AFDN: variants seen among roughly 807,000 people sequenced by gnomAD.
The protein encoded by AFDN is afadin, adherens junction formation factor, also known as afadin.
Under a neutral mutation model 216.6 loss-of-function variants are expected in AFDN, and 68 were observed. The ratio of observed to expected loss-of-function variants is 0.31; its 90% CI spans 0.26 to 0.38. AFDN has a LOEUF of 0.38. AFDN is among the 10% of genes least tolerant of loss of function. AFDN has a pLI of 1.00. For missense variants in AFDN, 2,136 were observed against 2,342.0 expected, an observed-to-expected ratio of 0.91 and a Z score of 1.82; for synonymous variants, 868 against 853.7, an observed-to-expected ratio of 1.02 and a Z score of -0.29.
intron 23 of AFDN, among the ~76,000 whole-genome samples, chr6:167,942,496 A>G (rs1475968106): frequency 6.6e-6 from 1 of 152,212 alleles, no homozygotes; most frequent in Non-Finnish European, 1.5e-5. Flanking sequence ...TAGGTTTAGT[A>G]TAGTCGTGGT....
At chr6:167,896,857 G>T in intron 9 of AFDN, 21 bp from the exon 10 acceptor site, 1 of 1,511,808 alleles carries the variant, frequency 6.6e-7, no homozygotes, top group Non-Finnish European at 9.2e-7. Context: ...AAATAGAGCT[G>T]TCTTCCTTCT....
chr6:167,892,702 C>T (rs973601764), intron 8 of AFDN, among the ~76,000 whole-genome samples: 5 of 152,280 alleles, frequency 3.3e-5, no homozygotes, highest in Admixed American at 2.0e-4. Flanking sequence ...GGAGGTAGAG[C>T]ACCAAAACAG....
intron 23 of AFDN, 50 bp downstream of exon 23, chr6:167,925,141 G>A: frequency 7.5e-7 from 1 of 1,325,618 alleles, no homozygotes; most frequent in Non-Finnish European, 1.1e-6. Flanking sequence ...TTTCGGCATT[G>A]AATCAGTGGT....
At chr6:167,894,891 C>T (rs1043766402) in intron 9 of AFDN, among the ~76,000 whole-genome samples, 1 of 152,206 alleles carries the variant, frequency 6.6e-6, no homozygotes, top group Admixed American at 6.5e-5. Context: ...CATCTCTAAA[C>T]ACATTTTTCA....
intron 16 of AFDN, chr6:167,913,882 AT>A: frequency 2.1e-6 from 1 of 466,960 alleles, no homozygotes; most frequent in East Asian, 3.8e-5. Context: ...TTGGTGTTAT[AT>A]TATTTGATAT....
chr6:167,858,451 T>G (rs1783146362), intron 1 of AFDN, among the ~76,000 whole-genome samples: 2 of 152,196 alleles, frequency 1.3e-5, no homozygotes. Context: ...TCGTGTGCTT[T>G]CTCTCTGTTT....
At chr6:167,884,858 C>G (rs1006033288) in intron 6 of AFDN, among the ~76,000 whole-genome samples, 21 of 152,188 alleles carry the variant, frequency 1.4e-4, no homozygotes, top group African/African-American at 4.8e-4. Context: ...TTTGCCTTCT[C>G]CTCTCTAGCT....
At chr6:167,963,770 G>C (rs1464646153) in intron 31 of AFDN, 2 of 1,062,200 alleles carry the variant, frequency 1.9e-6, no homozygotes, top group Non-Finnish European at 2.3e-6. Flanking sequence ...TCTTTCACTT[G>C]TGTAATGGTA....
Position 167,969,910 on chromosome 6 carries a change from T to A in AFDN, c.5471T>A (p.Leu1824Gln). 1 of 1,610,976 alleles carries A rather than the reference T, an allele frequency of 6.2e-7. No individual in the cohort carries two copies. Among genetic ancestry groups the A allele is most frequent in the Non-Finnish European group, 8.5e-7 (1 of 1,179,178 alleles). The change falls in exon 34 of 34, where the codon CTG (leucine) becomes CAG (glutamine). Residue 1824 changes from leucine to glutamine, a missense_variant. Leu to Gln is a moderately radical substitution (Grantham distance 113). This residue lies in a region of AFDN where 981 missense variants were observed against 966.0 expected (regional missense o/e 1.02). Coordinates refer to ENST00000683244, the MANE Select transcript of AFDN (RefSeq NM_001386888.1). ...KVKASRKLTELENELNTK is the reference protein window; with the variant it reads ...KVKASRKLTEQENELNTK ...AAAGCTTCTCGTAAATTAACAGAAC[T>A]GGAGAATGAACTGAACACAAAGTGA...
At chr6:167,857,672 T>C (rs1263778694) in intron 1 of AFDN, among the ~76,000 whole-genome samples, 2 of 152,142 alleles carry the variant, frequency 1.3e-5, no homozygotes, top group Non-Finnish European at 2.9e-5. Context: ...CTCATGAGTT[T>C]ATTATACTGA....
In AFDN at chr6:167,948,543, C is replaced by A. The variant is rs189667082; in HGVS notation, c.3831+65C>A. On this transcript the variant is annotated intron_variant, in intron 29 of 33. Coordinates refer to ENST00000683244, the MANE Select transcript of AFDN (RefSeq NM_001386888.1). Reference sequence around the variant, plus strand: ...AAGGAGGACACACTGAGTTCTGAGACACAATTAATATTTTCTATAGAACAG... The same window carrying A: ...AAGGAGGACACACTGAGTTCTGAGAAACAATTAATATTTTCTATAGAACAG... 1.9e-3 allele frequency: 2,675 copies of A among 1,444,578 alleles called. 5 individuals carry two copies. Among genetic ancestry groups the A allele is most frequent in the Non-Finnish European group, 2.4e-3 (2,497 of 1,051,450 alleles). The allele number at this position is 1,444,578 out of a possible 1,614,324, so 89.5% of individuals were successfully genotyped here. A position where few individuals can be genotyped will look rare whatever the true frequency, so the allele number is the denominator to read the frequency against.
rs145888267 is a variant in AFDN, at chr6:167,855,732, A to G, written c.106-8819A>G. 5.0e-3 allele frequency among the ~76,000 whole-genome samples: 762 copies of G among 152,220 alleles called. 12 individuals are homozygous for G. Among genetic ancestry groups the G allele is most frequent in the African/African-American group, 0.018 (734 of 41,532 alleles). On this transcript the variant is annotated intron_variant, in intron 1 of 33. Coordinates refer to ENST00000683244, the MANE Select transcript of AFDN (RefSeq NM_001386888.1). ...TCCAGTGGTCACTTAGCTACACCAA[A>G]TAGTGACCTGAATGTTTAGACAAGG...
chr6:167,884,449 T>C (rs1422294170), intron 6 of AFDN, among the ~76,000 whole-genome samples: 1 of 152,214 alleles, frequency 6.6e-6, no homozygotes, highest in Non-Finnish European at 1.5e-5. Flanking sequence ...GACTTGAAAG[T>C]CAAAATCACT....
chr6:167,835,955 A>G (rs917805799), intron 1 of AFDN, among the ~76,000 whole-genome samples: 11 of 152,266 alleles, frequency 7.2e-5, no homozygotes, highest in African/African-American at 2.4e-4. Context: ...ATATAAACGT[A>G]TAATATTTAA....
chr6:167,905,792 C>T (rs1327049505), intron 12 of AFDN, among the ~76,000 whole-genome samples: 2 of 152,046 alleles, frequency 1.3e-5, no homozygotes, highest in East Asian at 3.9e-4. Context: ...ATCCATTGAC[C>T]AGCAATTGTG....
chr6:167,894,758 T>C (rs567050662), intron 9 of AFDN, among the ~76,000 whole-genome samples: 9 of 152,308 alleles, frequency 5.9e-5, no homozygotes, highest in South Asian at 4.1e-4. Context: ...AGCTTCTGTC[T>C]CTCCCTTTCT....
At position 167,955,164 on chromosome 6, in the gene AFDN, T is replaced by C. The variant is rs142654712; in HGVS notation, c.4833+2977T>C. ...CCTGCTAGACAATTATACTCTGATA[T>C]ATTTATATAAACTTGAAGACAAATT... is the stretch of plus-strand genomic sequence containing the variant. On this transcript the variant is annotated intron_variant, in intron 30 of 33. Transcript: ENST00000683244. 6.6e-5 allele frequency among the ~76,000 whole-genome samples: 10 copies of C among 152,286 alleles called. 1 individual carries two copies. The East Asian group carries it at 1.5e-3, about 24-fold the overall frequency.
chr6:167,967,521 G>A (rs2128772072), intron 32 of AFDN, among the ~76,000 whole-genome samples: 1 of 152,238 alleles, frequency 6.6e-6, no homozygotes, highest in Non-Finnish European at 1.5e-5. Context: ...TTTGAAGCAG[G>A]ATGCCATCAG....
chr6:167,950,482 C>T (rs1795849629), intron 29 of AFDN, among the ~76,000 whole-genome samples: 1 of 152,074 alleles, frequency 6.6e-6, no homozygotes, highest in African/African-American at 2.4e-5. Context: ...GTGTTCAACA[C>T]ATTTGTAGCA....
Sources: gnomAD v4.1 joint callset for allele counts (sites outside exome capture counted in the v4.1 genomes callset) on GRCh38, gnomAD v4.1.1 for gene constraint, gnomAD v4.1.1 regional missense constraint, MANE v1.5 for transcripts, NCBI Gene and HGNC (gene_info 2026-07-23, HGNC 2026-07-21) for gene names.